Variants in HIVEP3 observed in about 807,000 individuals in gnomAD.
The protein encoded by HIVEP3 is transcription factor HIVEP3.
A neutral mutation model predicts 152.8 loss-of-function variants in HIVEP3; 49 were observed. The ratio of observed to expected loss-of-function variants is 0.32; its 90% CI spans 0.26 to 0.41. The LOEUF (loss-of-function observed/expected upper bound fraction) is 0.41. Ranked by LOEUF, HIVEP3 falls within the 10% of genes least tolerant of loss-of-function variation. The probability of loss-of-function intolerance (pLI) is 1.00; values close to 1 mark genes in which losing one functional copy is unlikely to be tolerated. For synonymous variants in HIVEP3, 1,269 were observed against 1,289.0 expected (o/e 0.98, Z 0.33); for missense variants, 2,790 against 3,103.3 (o/e 0.90, Z 2.40).
intron 1 of HIVEP3, among the ~76,000 whole-genome samples, chr1:42,007,586 T>C (rs12065834): frequency 0.035 from 5,325 of 152,220 alleles, 281 homozygotes; most frequent in African/African-American, 0.12. Flanking sequence ...TGAGTTCCAG[T>C]GTGATAGCAA....
intron 1 of HIVEP3, among the ~76,000 whole-genome samples, chr1:41,746,940 G>T (rs1409196056): frequency 6.6e-6 from 1 of 152,102 alleles, no homozygotes; most frequent in Non-Finnish European, 1.5e-5. Context: ...AAGTCAGGAG[G>T]GCCAGCATGT....
intron 3 of HIVEP3, among the ~76,000 whole-genome samples, chr1:41,598,412 TAC>T (rs1389010889): frequency 6.6e-6 from 1 of 152,062 alleles, no homozygotes; most frequent in African/African-American, 2.4e-5. Context: ...CAATAATATA[TAC>T]ACACACACAC....
chr1:41,770,919 G>C (rs1460338352), intron 1 of HIVEP3, among the ~76,000 whole-genome samples: 4 of 152,004 alleles, frequency 2.6e-5, no homozygotes, highest in Non-Finnish European at 4.4e-5. Flanking sequence ...AGGGTGAAAG[G>C]TACACCAGAA....
At chr1:41,891,893 C>T (rs938787538) in intron 1 of HIVEP3, among the ~76,000 whole-genome samples, 2 of 152,212 alleles carry the variant, frequency 1.3e-5, no homozygotes, top group Admixed American at 1.3e-4. Flanking sequence ...AGGAGTAAAA[C>T]TCACGAGAGA....
intron 2 of HIVEP3, among the ~76,000 whole-genome samples, chr1:41,670,811 G>A (rs971411319): frequency 6.6e-6 from 1 of 152,214 alleles, no homozygotes; most frequent in Non-Finnish European, 1.5e-5. Context: ...GGGGCAACCA[G>A]TGCAAAGGCC....
rs138877323 is a variant in HIVEP3 at position 42,005,399 on chromosome 1, T to C, written n.119+30408A>G. Among the ~76,000 whole-genome samples, 316 of 152,236 alleles carry C rather than the reference T, an allele frequency of 2.1e-3. 9 individuals carry two copies. The East Asian group carries it at 0.053, about 25-fold the overall frequency. ...TATATATGACACACACATGTGTATA[T>C]ATATACACACATATGTGTATATATA... On this transcript the variant is annotated intron_variant and non_coding_transcript_variant, in intron 1 of 3. Transcript: ENST00000489103.
intron 2 of HIVEP3, among the ~76,000 whole-genome samples, chr1:41,633,831 C>T (rs1375561742): frequency 1.3e-5 from 2 of 152,118 alleles, no homozygotes; most frequent in Non-Finnish European, 2.9e-5. Context: ...CCAGACAGGC[C>T]AAAGCCCTCT....
chr1:41,746,581 C>T (rs1243986999), intron 1 of HIVEP3, among the ~76,000 whole-genome samples: 1 of 152,222 alleles, frequency 6.6e-6, no homozygotes, highest in African/African-American at 2.4e-5. Context: ...AATTGGGCTT[C>T]GGTGGCTCCT....
rs1644390112 is a variant in HIVEP3 at position 41,580,697 on chromosome 1, A to G, written c.4101T>C (p.Thr1367=). Residue 1367 remains threonine, a synonymous_variant, in exon 4 of 9, where the codon ACT becomes ACC. Transcript: ENST00000372583. The stretch of plus-strand genomic sequence containing the variant: ...CCTCATGCACATCTGCACCACATAC[A>G]GTCGTCCCCTTTGATGGGGGTTCCT... ...KFEEPPSKGT[T]VCGADVHEVG... 2 of 1,604,646 alleles carry G rather than the reference A, an allele frequency of 1.2e-6. No homozygotes were observed. The highest frequency in any genetic ancestry group is 1.3e-5 in the African/African-American group (1 of 74,682).
intron 5 of HIVEP3, among the ~76,000 whole-genome samples, chr1:41,561,688 T>C (rs1483990869): frequency 1.8e-5 from 1 of 54,190 alleles, no homozygotes; most frequent in Non-Finnish European, 4.8e-5. Flanking sequence ...AATTTTTTTT[T>C]TTTTTTTGTA....
At chr1:41,851,152 G>A (rs868118868) in intron 1 of HIVEP3, among the ~76,000 whole-genome samples, 2 of 152,230 alleles carry the variant, frequency 1.3e-5, no homozygotes, top group Middle Eastern at 3.4e-3. Context: ...GAGAGGGCAG[G>A]AACTTTACCT....
At position 41,509,478 on chromosome 1, in the gene HIVEP3, G is replaced by GGCCC; in HGVS notation, c.*972_*973insGGGC. 6.6e-6 allele frequency: 1 copy of GGCCC among 152,368 alleles called. No homozygotes were observed. The highest frequency in any genetic ancestry group is 2.1e-4 in the South Asian group (1 of 4,830). 9.4% of individuals were successfully genotyped at this position (152,368 alleles called of 1,614,324 possible). Reference sequence around the variant, plus strand: ...CCAAAACCCAGTCTCAGGAACGGCCGCTAGGGCTCGGGCCCTGCCACTTCT... The same window carrying GGCCC: ...CCAAAACCCAGTCTCAGGAACGGCCGGCCCCTAGGGCTCGGGCCCTGCCACTTCT... On this transcript the variant is annotated 3_prime_UTR_variant, in exon 9 of 9. Coordinates refer to ENST00000372583, the MANE Select transcript of HIVEP3 (RefSeq NM_024503.5).
chr1:41,646,853 T>A (rs1177331420), intron 2 of HIVEP3, among the ~76,000 whole-genome samples: 1 of 152,200 alleles, frequency 6.6e-6, no homozygotes, highest in Non-Finnish European at 1.5e-5. Flanking sequence ...ACATCCAAAA[T>A]GGGTCTCACT....
intron 1 of HIVEP3, among the ~76,000 whole-genome samples, chr1:41,979,096 AG>A (rs1185850892): frequency 1.3e-5 from 2 of 152,138 alleles, no homozygotes; most frequent in Non-Finnish European, 2.9e-5. Flanking sequence ...AGCAGCCCCC[AG>A]GAACTTGTTA....
At chr1:41,610,453 A>T (rs1422789195) in intron 3 of HIVEP3, among the ~76,000 whole-genome samples, 1 of 152,232 alleles carries the variant, frequency 6.6e-6, no homozygotes, top group African/African-American at 2.4e-5. Flanking sequence ...AGAACAAGAG[A>T]GTACTGAGGC....
intron 1 of HIVEP3, among the ~76,000 whole-genome samples, chr1:41,818,941 A>G (rs1333884132): frequency 6.6e-6 from 1 of 152,210 alleles, no homozygotes; most frequent in African/African-American, 2.4e-5. Flanking sequence ...TTTAAAAATC[A>G]GAGTGAATGA....
chr1:41,961,654 C>T (rs114872386), intron 1 of HIVEP3, among the ~76,000 whole-genome samples: 1,648 of 152,362 alleles, frequency 0.011, 31 homozygotes, highest in African/African-American at 0.038. Context: ...CATAACTGTA[C>T]ACTACTGCAA....
Position 41,513,378 on chromosome 1 carries a change from C to T in HIVEP3, c.5843G>A (p.Gly1948Asp), listed in dbSNP as rs1642502289. ...GLPWLGPAPLGSVEKDTGSAL... is the reference protein window; with the variant it reads ...GLPWLGPAPLDSVEKDTGSAL... The stretch of plus-strand genomic sequence containing the variant: ...TGAGCCTGTGTCTTTCTCCACAGAG[C>T]CCAGAGGGGCCGGTCCCAGCCAGGG... The change falls in exon 8 of 9, where the codon GGC becomes GAC. Residue 1948 changes from glycine (G) to aspartate (D), a missense_variant. Transcript: ENST00000372583. 3.7e-6 allele frequency: 6 copies of T among 1,611,892 alleles called. No homozygotes were observed. Among genetic ancestry groups the T allele is most frequent in the Non-Finnish European group, 5.1e-6 (6 of 1,179,270 alleles).
intron 1 of HIVEP3, chr1:41,869,490 A>G (rs2124411325): frequency 6.6e-6 from 1 of 152,418 alleles, no homozygotes; most frequent in East Asian, 1.9e-4. Context: ...ATCAGATGCC[A>G]AGGACACAGC....
Sources: gnomAD v4.1 joint callset for allele counts (sites outside exome capture counted in the v4.1 genomes callset) on GRCh38, gnomAD v4.1.1 for gene constraint, MANE v1.5 for transcripts, NCBI Gene and HGNC (gene_info 2026-07-23, HGNC 2026-07-21) for gene names.